The following FHOD3 variants were observed in gnomAD, a reference collection of about 807,000 sequenced individuals.
FHOD3 encodes the protein FH1/FH2 domain-containing protein 3.
FHOD3 carries 90 observed loss-of-function variants against 173.0 expected under a neutral mutation model. The observed-to-expected ratio is 0.52, with a 90% CI of 0.44 to 0.62. The LOEUF is 0.62. Among genes scored for constraint, FHOD3 ranks in the 20% least tolerant of loss-of-function variants. The probability of loss-of-function intolerance (pLI) is 0.00; values close to 1 mark genes in which losing one functional copy is unlikely to be tolerated. For missense variants in FHOD3, 1,945 were observed against 2,034.7 expected, an observed-to-expected ratio of 0.96 and a Z score of 0.85; for synonymous variants, 828 against 823.0, an observed-to-expected ratio of 1.01 and a Z score of -0.10.
At position 36,487,699 on chromosome 18, in the gene FHOD3, T is replaced by C. The variant is rs546907400; in HGVS notation, c.338-14233T>C. Reference sequence around the variant, plus strand: ...TGTTTCTTAGTGAGGTTCTCAAATGTGTTGGACTCACCCAGCTGTCACAAC... The same window carrying C: ...TGTTTCTTAGTGAGGTTCTCAAATGCGTTGGACTCACCCAGCTGTCACAAC... On this transcript the variant is annotated intron_variant, in intron 3 of 28. Coordinates refer to ENST00000590592, the MANE Select transcript of FHOD3 (RefSeq NM_001281740.3). Among the ~76,000 whole-genome samples, 9 of 152,358 alleles carry C rather than the reference T, an allele frequency of 5.9e-5. No homozygotes were observed. In the East Asian group the frequency reaches 1.3e-3, roughly 23 times the overall value.
chr18:36,421,003 T>A (rs1293019630), intron 3 of FHOD3, among the ~76,000 whole-genome samples: 1 of 152,176 alleles, frequency 6.6e-6, no homozygotes, highest in Non-Finnish European at 1.5e-5. Flanking sequence ...ATGGTGAGGT[T>A]AAATTTGGCC....
intron 5 of FHOD3, among the ~76,000 whole-genome samples, chr18:36,570,925 G>T (rs2058429770): frequency 6.6e-6 from 1 of 152,012 alleles, no homozygotes; most frequent in Non-Finnish European, 1.5e-5. Flanking sequence ...TAATAGTAAA[G>T]GATTATTAAT....
At chr18:36,671,655 A>T (rs189870854) in intron 14 of FHOD3, among the ~76,000 whole-genome samples, 122 of 152,356 alleles carry the variant, frequency 8.0e-4, no homozygotes, top group African/African-American at 2.6e-3. Flanking sequence ...CGAAAGTGAT[A>T]GGTTTCATTG....
intron 1 of FHOD3, among the ~76,000 whole-genome samples, chr18:36,317,293 T>A (rs1411759982): frequency 6.6e-6 from 1 of 152,180 alleles, no homozygotes; most frequent in African/African-American, 2.4e-5. Flanking sequence ...CTTGAGGAAT[T>A]GCCACACTGT....
chr18:36,763,424 TG>T (rs2042995312), intron 27 of FHOD3, among the ~76,000 whole-genome samples: 1 of 148,050 alleles, frequency 6.8e-6, no homozygotes, highest in African/African-American at 2.5e-5. Context: ...ATATATAATA[TG>T]CGTATTATAC....
intron 1 of FHOD3, among the ~76,000 whole-genome samples, chr18:36,309,513 T>C (rs982965853): frequency 1.3e-5 from 2 of 152,234 alleles, no homozygotes; most frequent in Non-Finnish European, 2.9e-5. Context: ...GATCTGTTAC[T>C]CATTCCCATA....
At chr18:36,408,739 G>C (rs760955070) in intron 3 of FHOD3, among the ~76,000 whole-genome samples, 3 of 152,150 alleles carry the variant, frequency 2.0e-5, no homozygotes, top group Non-Finnish European at 4.4e-5. Context: ...TCTGGCCAGG[G>C]CTAAAGAGTA....
chr18:36,511,026 A>T (rs2055607957), intron 4 of FHOD3, among the ~76,000 whole-genome samples: 1 of 152,232 alleles, frequency 6.6e-6, no homozygotes, highest in Admixed American at 6.5e-5. Flanking sequence ...TTCATGTAGG[A>T]ACAGGAGAAT....
In FHOD3 at chr18:36,642,582, CAAAAA is replaced by C. The variant is rs35920197; in HGVS notation, c.1197-6711_1197-6707del. ...TGGGCAAAAGAGCGAGACTCCGTCTCAAAAAAAAAAAAAAAAAAAAAAAAAAATTA... is the reference window on the plus strand; with the variant it reads ...TGGGCAAAAGAGCGAGACTCCGTCTCAAAAAAAAAAAAAAAAAAAAAATTA... On this transcript the variant is annotated intron_variant, in intron 10 of 28. Coordinates refer to ENST00000590592, the MANE Select transcript of FHOD3 (RefSeq NM_001281740.3). Among the ~76,000 whole-genome samples the C allele has an allele frequency of 4.5e-3, 276 of 61,796 alleles. 1 individual carries two copies. Among genetic ancestry groups the C allele is most frequent in the African/African-American group, 0.012 (236 of 19,836 alleles). 40.5% of individuals were successfully genotyped at this position (61,796 alleles called of 152,430 possible).
intron 4 of FHOD3, among the ~76,000 whole-genome samples, chr18:36,505,407 C>A (rs1451931558): frequency 6.6e-6 from 1 of 152,122 alleles, no homozygotes; most frequent in Non-Finnish European, 1.5e-5. Flanking sequence ...GTGTGGAAAG[C>A]AATGAGCAGA....
intron 2 of FHOD3, among the ~76,000 whole-genome samples, chr18:36,369,088 C>T (rs979254950): frequency 8.5e-5 from 13 of 152,054 alleles, no homozygotes; most frequent in South Asian, 2.1e-4. Flanking sequence ...ATTTCTGAGC[C>T]GAAACTGACA....
At position 36,693,364 on chromosome 18, in the gene FHOD3, A is replaced by G; in HGVS notation, c.2177A>G (p.Asp726Gly). ...CTGAGCCATAGCCCCTCATCTTCAGACTCTCAAGAGGCTCTCACGGTGTCT... is the reference window on the plus strand; with the variant it reads ...CTGAGCCATAGCCCCTCATCTTCAGGCTCTCAAGAGGCTCTCACGGTGTCT... Reference protein sequence around the residue: ...APLSHSPSSSDSQEALTVSAS... With the variant: ...APLSHSPSSSGSQEALTVSAS... Residue 726 changes from aspartate (D) to glycine (G), a missense_variant, in exon 17 of 29, where the codon GAC (aspartate) becomes GGC (glycine). Around this residue, in one of 5 missense-constraint regions of FHOD3, gnomAD observed 1,099 missense variants for 1,051.2 expected, o/e 1.05. Transcript: ENST00000590592. 1 of 1,613,420 alleles carries G rather than the reference A, an allele frequency of 6.2e-7. No homozygotes were observed. The highest frequency in any genetic ancestry group is 8.5e-7 in the Non-Finnish European group (1 of 1,179,742).
At chr18:36,477,406 G>C (rs1269980728) in intron 3 of FHOD3, among the ~76,000 whole-genome samples, 1 of 152,078 alleles carries the variant, frequency 6.6e-6, no homozygotes, top group Non-Finnish European at 1.5e-5. Flanking sequence ...GAAGATAACT[G>C]AGACCCAAGA....
rs187170505 is a variant in FHOD3, at chr18:36,342,320, T to A, written c.166-13219T>A. ...AATATTTGAAGAGTTAATGGCCAAT[T>A]TTCTAAAATCAACAAATGACACCAA... On this transcript the variant is annotated intron_variant, in intron 1 of 28. Coordinates refer to ENST00000590592, the MANE Select transcript of FHOD3 (RefSeq NM_001281740.3). Among the ~76,000 whole-genome samples the A allele has an allele frequency of 2.1e-3, 317 of 152,168 alleles. 2 individuals are homozygous for A. The highest frequency in any genetic ancestry group is 7.3e-3 in the African/African-American group (303 of 41,512).
At chr18:36,701,236 A>G (rs1897731478) in intron 17 of FHOD3, among the ~76,000 whole-genome samples, 1 of 152,206 alleles carries the variant, frequency 6.6e-6, no homozygotes, top group South Asian at 2.1e-4. Flanking sequence ...GGTGGAGGAC[A>G]CATCTTTGAC....
chr18:36,367,901 AC>A (rs1002956338), intron 2 of FHOD3, among the ~76,000 whole-genome samples: 1 of 150,866 alleles, frequency 6.6e-6, no homozygotes, highest in South Asian at 2.1e-4. Context: ...TTTGGCAGTC[AC>A]CCCCCCATCC....
At chr18:36,506,356 A>G (rs1000137021) in intron 4 of FHOD3, among the ~76,000 whole-genome samples, 1 of 152,234 alleles carries the variant, frequency 6.6e-6, no homozygotes, top group Non-Finnish European at 1.5e-5. Context: ...ACTACTGCCA[A>G]CACTGGAAAC....
rs370203544 is a variant in FHOD3, at chr18:36,369,498, C to CATATATAT, written c.273-3180_273-3173dup. On this transcript the variant is annotated intron_variant, in intron 2 of 28. Transcript: ENST00000590592. ...ACACACACACACACACACACACACA[C>CATATATAT]ATATATATAGAGAGAGAGAGAGAGA... Among the ~76,000 whole-genome samples, 6 of 95,990 alleles carry CATATATAT rather than the reference C, an allele frequency of 6.3e-5. No individual in the cohort carries two copies. The Admixed American group carries it at 7.1e-4, about 11-fold the overall frequency. 63.0% of individuals were successfully genotyped at this position (95,990 alleles called of 152,430 possible).
rs2031560976 is a variant in FHOD3, at chr18:36,602,765, C to T, written c.810C>T (p.Asn270=). Residue 270 remains asparagine (N), a synonymous_variant, in exon 8 of 29, where the codon AAC becomes AAT. Transcript: ENST00000590592. The part of the protein sequence containing the change: ...ELLVYAMTLV[N]KTLSGLPDQD... ...TGGTTTATGCAATGACTTTGGTGAA[C>T]AAGGTTGGTTGACTATGTTATGGGT... 6.2e-7 allele frequency: 1 copy of T among 1,613,082 alleles called. No individual in the cohort carries two copies. The highest frequency in any genetic ancestry group is 1.3e-5 in the African/African-American group (1 of 74,876).
Sources: allele counts gnomAD v4.1 joint callset (sites outside exome capture counted in the v4.1 genomes callset), GRCh38; gene constraint gnomAD v4.1.1; regional missense constraint gnomAD v4.1.1; transcripts MANE v1.5; gene names NCBI Gene and HGNC (gene_info 2026-07-23, HGNC 2026-07-21).